The following MNT variants were observed in gnomAD, a reference collection of about 807,000 sequenced individuals.
MNT encodes the protein max-binding protein MNT.
In MNT, 13 loss-of-function variants were observed where a neutral mutation model predicts 40.7. The observed-to-expected ratio is 0.32, with a 90% CI of 0.21 to 0.51. MNT has a LOEUF of 0.51. Ranked by LOEUF, MNT falls within the 20% of genes least tolerant of loss-of-function variation. The pLI is 0.98. For synonymous variants in MNT, 426 were observed against 354.8 expected, an observed-to-expected ratio of 1.20 and a Z score of -2.26; for missense variants, 757 against 792.0, an observed-to-expected ratio of 0.96 and a Z score of 0.53.
intron 1 of MNT, among the ~76,000 whole-genome samples, chr17:2,398,804 G>C (rs2066594191): frequency 6.6e-6 from 1 of 152,192 alleles, no homozygotes; most frequent in African/African-American, 2.4e-5. Context: ...GTCACCAGGG[G>C]CACTCTCCAC....
chr17:2,388,869 T>C (rs2066490326), intron 4 of MNT, among the ~76,000 whole-genome samples: 1 of 152,122 alleles, frequency 6.6e-6, no homozygotes. Context: ...AGGCACGTCA[T>C]GACCAATGTG....
At position 2,395,353 on chromosome 17, in the gene MNT, G is replaced by T. The variant is rs141569229; in HGVS notation, c.175C>A (p.Arg59Ser). 1 of 1,612,972 alleles carries T rather than the reference G, an allele frequency of 6.2e-7. No homozygotes were observed. The highest frequency in any genetic ancestry group is 1.1e-5 in the South Asian group (1 of 91,074). The change falls in exon 2 of 6, where the codon CGC becomes AGC. Residue 59 changes from arginine to serine, a missense_variant. Physicochemically the swap from Arg to Ser is moderately radical, Grantham distance 110. Coordinates refer to ENST00000174618, the MANE Select transcript of MNT (RefSeq NM_020310.3). ...AGAGGCAGGGGTGGCGCCTCCATGCGGGGTTCCTCCACAGGAAGGGTATGT... is the reference window on the plus strand; with the variant it reads ...AGAGGCAGGGGTGGCGCCTCCATGCTGGGTTCCTCCACAGGAAGGGTATGT... ...LAHTLPVEEP[R>S]MEAPPLPLSP...
chr17:2,394,552 C>T (rs891521095), intron 2 of MNT, among the ~76,000 whole-genome samples: 5 of 152,112 alleles, frequency 3.3e-5, no homozygotes, highest in African/African-American at 1.2e-4. Context: ...TGTCACCCTC[C>T]GTCCCACCAG....
Position 2,400,755 on chromosome 17 carries a change from G to T in MNT, c.-43C>A. On this transcript the variant is annotated 5_prime_UTR_variant, in exon 1 of 6. Coordinates refer to ENST00000174618, the MANE Select transcript of MNT (RefSeq NM_020310.3). Reference sequence around the variant, plus strand: ...GGGGCGCGCCGGGGCCGAGGCTGCGGCCCGCGAGCCGGGCACAGGTCAGGC... The same window carrying T: ...GGGGCGCGCCGGGGCCGAGGCTGCGTCCCGCGAGCCGGGCACAGGTCAGGC... The T allele has an allele frequency of 6.7e-7, 1 of 1,486,276 alleles. No homozygotes were observed. The highest frequency in any genetic ancestry group is 1.3e-5 in the South Asian group (1 of 78,036). 92.1% of individuals were successfully genotyped at this position (1,486,276 alleles called of 1,614,324 possible).
At chr17:2,397,249 C>G (rs1470212294) in intron 1 of MNT, among the ~76,000 whole-genome samples, 1 of 152,132 alleles carries the variant, frequency 6.6e-6, no homozygotes, top group Non-Finnish European at 1.5e-5. Context: ...CCTGCGCTCC[C>G]GCTTCCCACA....
In MNT at chr17:2,394,115, C is replaced by T. The variant is rs535805466; in HGVS notation, c.735G>A (p.Arg245=). ...HLKECFETLK[R]NIPNVDDKKT... is the part of the protein sequence containing the mutation. ...TCTTGTCATCCACGTTGGGGATGTT[C>T]CGCTTCAGGGTCTCAAAGCACTCTT... is the stretch of plus-strand genomic sequence containing the variant. Residue 245 remains arginine, a synonymous_variant, in exon 4 of 6, where the codon CGG becomes CGA. Transcript: ENST00000174618. 1.7e-5 allele frequency: 27 copies of T among 1,609,722 alleles called. No homozygotes were observed. The South Asian group carries it at 3.0e-4, about 18-fold the overall frequency.
Position 2,395,249 on chromosome 17 carries a change from C to T in MNT, c.279G>A (p.Val93=), listed in dbSNP as rs759460228. 1.3e-5 allele frequency: 20 copies of T among 1,522,944 alleles called. No individual in the cohort carries two copies. The highest frequency in any genetic ancestry group is 2.8e-5 in the African/African-American group (2 of 71,380). The allele number at this position is 1,522,944 out of a possible 1,614,324, so 94.3% of individuals were successfully genotyped here. A position where few individuals can be genotyped will look rare whatever the true frequency, so the allele number is the denominator to read the frequency against. ...GTAGAGGCTGAGGGGAGTTGGTCAC[C>T]ACAGGGATAGGGATGACAGTCAGTG... ...PAPLTVIPIP[V]VTNSPQPLPP... Residue 93 remains valine (V), a synonymous_variant, in exon 2 of 6, where the codon GTG becomes GTA. Coordinates refer to ENST00000174618, the MANE Select transcript of MNT (RefSeq NM_020310.3).
rs199717472 is a variant in MNT at position 2,388,095 on chromosome 17, T to C, written c.808-46A>G. ...CAGCAGGACACCCTGAGCAGCAGCC[T>C]TGGGGCCCAAAGCCCCCACAAACCT... On this transcript the variant is annotated intron_variant, in intron 4 of 5. Coordinates refer to ENST00000174618, the MANE Select transcript of MNT (RefSeq NM_020310.3). The C allele has an allele frequency of 8.1e-5, 122 of 1,501,936 alleles. No homozygotes were observed. The African/African-American group carries it at 1.5e-3, about 19-fold the overall frequency. The allele number at this position is 1,501,936 out of a possible 1,614,324, so 93.0% of individuals were successfully genotyped here. A position where few individuals can be genotyped will look rare whatever the true frequency, so the allele number is the denominator to read the frequency against.
At chr17:2,395,701 CGG>C (rs1424171173) in intron 1 of MNT, among the ~76,000 whole-genome samples, 1 of 152,034 alleles carries the variant, frequency 6.6e-6, no homozygotes, top group Non-Finnish European at 1.5e-5. Flanking sequence ...CTGACAGTCA[CGG>C]GGGCTGACAG....
rs1030261716 is a variant in MNT at position 2,394,889 on chromosome 17, C to T, written c.639G>A (p.Lys213=). Reference sequence around the variant, plus strand: ...ACCCCACTCACCCCCCGGGCCTCTTCTTCTGTTCACTGGATTTGACTTCTT... The same window carrying T: ...ACCCCACTCACCCCCCGGGCCTCTTTTTCTGTTCACTGGATTTGACTTCTT... ...PAEEVKSSEQ[K]KRPGGIGTRE... The change falls in exon 2 of 6, where the codon AAG becomes AAA. Residue 213 remains lysine (K), a synonymous_variant. Coordinates refer to ENST00000174618, the MANE Select transcript of MNT (RefSeq NM_020310.3). 11 of 1,589,612 alleles carry T rather than the reference C, an allele frequency of 6.9e-6. No homozygotes were observed. The highest frequency in any genetic ancestry group is 1.1e-5 in the South Asian group (1 of 87,866).
At chr17:2,394,277 G>GCACGCACACGCACACA (rs539682697) in intron 3 of MNT, 28 bp downstream of exon 3, 15 of 1,487,678 alleles carry the variant, frequency 1.0e-5, no homozygotes, top group South Asian at 1.2e-5. Flanking sequence ...ACGCACGCAC[G>GCACGCACACGCACACA]CACACACACA....
chr17:2,388,510 C>A (rs1016508392), intron 4 of MNT, among the ~76,000 whole-genome samples: 5 of 152,108 alleles, frequency 3.3e-5, no homozygotes, highest in Non-Finnish European at 5.9e-5. Context: ...GCCCTCGCCC[C>A]ATCTCATCTC....
At chr17:2,394,277 G>GCACACGCA (rs1555611877) in intron 3 of MNT, 28 bp downstream of exon 3, 5 of 1,489,246 alleles carry the variant, frequency 3.4e-6, no homozygotes, top group Non-Finnish European at 4.5e-6. Flanking sequence ...ACGCACGCAC[G>GCACACGCA]CACACACACA....
intron 4 of MNT, among the ~76,000 whole-genome samples, chr17:2,393,354 G>A (rs1440566282): frequency 2.0e-5 from 3 of 152,162 alleles, no homozygotes. Flanking sequence ...CCCAAAGGGA[G>A]GGGACGCGCA....
chr17:2,390,180 ACG>A (rs961720754), intron 4 of MNT: 1 of 152,278 alleles, frequency 6.6e-6, no homozygotes, highest in Non-Finnish European at 1.5e-5. Context: ...AGGAAGAGCT[ACG>A]CGCAGGGTGC....
chr17:2,394,873 AC>A lies in MNT; in HGVS notation c.653+1del. ...AGCCCGACCCCGCCACACCCCACTC[AC>A]CCCCCGGGCCTCTTCTTCTGTTCAC... On this transcript the variant is annotated splice_donor_variant, in intron 2 of 5. Transcript: ENST00000174618. LOFTEE classifies it high-confidence loss of function. 1.3e-6 allele frequency: 2 copies of A among 1,565,442 alleles called. No homozygotes were observed. Among genetic ancestry groups the A allele is most frequent in the Non-Finnish European group, 1.7e-6 (2 of 1,156,432 alleles).
Position 2,394,881 on chromosome 17 carries a change from G to A in MNT, c.647C>T (p.Pro216Leu), listed in dbSNP as rs997830320. Residue 216 changes from proline to leucine, a missense_variant, in exon 2 of 6, where the codon CCC becomes CTC. Physicochemically the swap from Pro to Leu is moderately conservative, Grantham distance 98. This residue lies in a region of MNT where 335 missense variants were observed against 291.4 expected (regional missense o/e 1.15). Coordinates refer to ENST00000174618, the MANE Select transcript of MNT (RefSeq NM_020310.3). The part of the protein sequence containing the change: ...EVKSSEQKKR[P>L]GGIGTREVHN... ...CCCGCCACACCCCACTCACCCCCCG[G>A]GCCTCTTCTTCTGTTCACTGGATTT... 13 of 1,580,380 alleles carry A rather than the reference G, an allele frequency of 8.2e-6. No homozygotes were observed. The highest frequency in any genetic ancestry group is 4.0e-5 in the African/African-American group (3 of 74,264).
intron 3 of MNT, 36 bp downstream of exon 3, chr17:2,394,269 G>GCACACACACACACACACACA (rs771759353): frequency 2.0e-6 from 3 of 1,489,784 alleles, no homozygotes; most frequent in African/African-American, 4.3e-5. Context: ...GCGCGCGCAC[G>GCACACACACACACACACACA]CACGCACGCA....
In MNT at chr17:2,395,267, A is replaced by T; in HGVS notation, c.261T>A (p.Thr87=). The T allele has an allele frequency of 7.6e-7, 1 of 1,318,988 alleles. No individual in the cohort carries two copies. Among genetic ancestry groups the T allele is most frequent in the Non-Finnish European group, 1.0e-6 (1 of 985,946 alleles). 81.7% of individuals were successfully genotyped at this position (1,318,988 alleles called of 1,614,324 possible). Reference sequence around the variant, plus strand: ...TGGTCACCACAGGGATAGGGATGACAGTCAGTGGGGCAGGGGTGGCAAGTG... The same window carrying T: ...TGGTCACCACAGGGATAGGGATGACTGTCAGTGGGGCAGGGGTGGCAAGTG... The part of the protein sequence containing the change: ...PPPLATPAPL[T]VIPIPVVTNS... The change falls in exon 2 of 6, where the codon ACT becomes ACA. Residue 87 remains threonine (T), a synonymous_variant. Transcript: ENST00000174618.
Sources: allele counts gnomAD v4.1 joint callset (sites outside exome capture counted in the v4.1 genomes callset), GRCh38; gene constraint gnomAD v4.1.1; regional missense constraint gnomAD v4.1.1; transcripts MANE v1.5; gene names NCBI Gene and HGNC (gene_info 2026-07-23, HGNC 2026-07-21).